Variants in SMARCA1 observed in about 807,000 individuals in gnomAD.
SMARCA1 encodes the protein SNF2 related chromatin remodeling ATPase 1.
SMARCA1 carries 17 observed loss-of-function variants against 93.6 expected under a neutral mutation model. That is an observed-to-expected ratio of 0.18 (90% CI 0.12 to 0.27). SMARCA1 has a LOEUF of 0.27. Among genes scored for constraint, SMARCA1 ranks in the 10% least tolerant of loss-of-function variants. The probability of loss-of-function intolerance (pLI) is 1.00; values close to 1 mark genes in which losing one functional copy is unlikely to be tolerated. For synonymous variants in SMARCA1, 271 were observed against 271.4 expected (o/e 1.00, Z 0.01); for missense variants, 630 against 819.0 (o/e 0.77, Z 2.82).
At chrX:129,448,012 C>T (rs960492438) in intron 24 of SMARCA1, among the ~76,000 whole-genome samples, 5 of 109,972 alleles carry the variant, frequency 4.5e-5, no homozygotes, top group African/African-American at 6.6e-5. Context: ...CATCCCATCC[C>T]ACCCCTACCC....
chrX:129,511,685 A>C (rs1935023575), intron 6 of SMARCA1, 119 bp downstream of exon 6: 2 of 513,785 alleles, frequency 3.9e-6, no homozygotes, highest in Middle Eastern at 5.6e-4. Flanking sequence ...TAGAGTACAT[A>C]CACCTTAAGT....
chrX:129,488,339 T>C (rs1047122434), intron 16 of SMARCA1, among the ~76,000 whole-genome samples: 2 of 103,603 alleles, frequency 1.9e-5, no homozygotes, highest in African/African-American at 3.6e-5. Flanking sequence ...TCAGGCATGG[T>C]GGCTCATGCC....
At position 129,523,401 on chromosome X, in the gene SMARCA1, A is replaced by AGGCAGGGAACGAGTAGGGGGACAG; in HGVS notation, c.-32_-31insCTGTCCCCCTACTCGTTCCCTGCC. Reference sequence around the variant, plus strand: ...GGGAGCGGGAACGAGTAGGGGGACAAGGCAGGGGACGAGGGCTCCTGGGCG... The same window carrying AGGCAGGGAACGAGTAGGGGGACAG: ...GGGAGCGGGAACGAGTAGGGGGACAAGGCAGGGAACGAGTAGGGGGACAGGGCAGGGGACGAGGGCTCCTGGGCG... On this transcript the variant is annotated 5_prime_UTR_variant, in exon 1 of 25. Coordinates refer to ENST00000371121, the MANE Select transcript of SMARCA1 (RefSeq NM_001282874.2). 1 of 1,128,367 alleles carries AGGCAGGGAACGAGTAGGGGGACAG rather than the reference A, an allele frequency of 8.9e-7. No homozygotes were observed. The highest frequency in any genetic ancestry group is 1.2e-6 in the Non-Finnish European group (1 of 852,473). 93.0% of individuals were successfully genotyped at this position (1,128,367 alleles called of 1,213,427 possible). A position where few individuals can be genotyped will look rare whatever the true frequency, so the allele number is the denominator to read the frequency against.
At chrX:129,447,497 A>C (rs892341365) in intron 24 of SMARCA1, among the ~76,000 whole-genome samples, 1 of 112,093 alleles carries the variant, frequency 8.9e-6, no homozygotes, top group African/African-American at 3.2e-5. Flanking sequence ...ACATGGTATT[A>C]TAAATGTACT....
At chrX:129,467,655 G>GA (rs199928479) in intron 21 of SMARCA1, among the ~76,000 whole-genome samples, 14,052 of 107,957 alleles carry the variant, frequency 0.13, 770 homozygotes, top group East Asian at 0.27. Context: ...ATTTCCAGAA[G>GA]AAAAAAAAAT....
chrX:129,484,355 T>C (rs758430604), intron 17 of SMARCA1, among the ~76,000 whole-genome samples: 11 of 111,701 alleles, frequency 9.8e-5, no homozygotes, highest in Non-Finnish European at 1.5e-4. Context: ...AGATAGGCCA[T>C]CACCTCCATC....
At chrX:129,497,275 T>C (rs1292725010) in intron 11 of SMARCA1, among the ~76,000 whole-genome samples, 1 of 111,050 alleles carries the variant, frequency 9.0e-6, no homozygotes, top group African/African-American at 3.3e-5. Flanking sequence ...CTTCCTAACA[T>C]GTAAGAGTGA....
At chrX:129,470,913 A>T (rs1043707364) in intron 20 of SMARCA1, among the ~76,000 whole-genome samples, 9 of 112,406 alleles carry the variant, frequency 8.0e-5, no homozygotes, top group African/African-American at 2.9e-4. Flanking sequence ...ATCAGAATTC[A>T]AATGTGGATT....
At chrX:129,447,555 T>C (rs1269025065) in intron 24 of SMARCA1, among the ~76,000 whole-genome samples, 2 of 111,791 alleles carry the variant, frequency 1.8e-5, no homozygotes, top group Non-Finnish European at 3.8e-5. Context: ...ATTTTGTTTA[T>C]GAGTATATAT....
chrX:129,490,505 G>A (rs1267655654), intron 14 of SMARCA1, among the ~76,000 whole-genome samples: 3 of 112,069 alleles, frequency 2.7e-5, no homozygotes, highest in Admixed American at 1.9e-4. Context: ...AAACATCTTC[G>A]AAACTAGCAA....
In SMARCA1 at chrX:129,489,002, C is replaced by A. The variant is rs1329267338; in HGVS notation, c.2032G>T (p.Ala678Ser). Residue 678 changes from alanine (A) to serine (S), a missense_variant, in exon 16 of 25, where the codon GCT (alanine) becomes TCT (serine). Transcript: ENST00000371121. Reference protein sequence around the residue: ...MIRHGATHVFASKESELTDED... With the variant: ...MIRHGATHVFSSKESELTDED... Reference sequence around the variant, plus strand: ...TCTGTCAACTCACTCTCTTTAGAAGCAAAAACATGGGTGGCTCCATGCCGT... The same window carrying A: ...TCTGTCAACTCACTCTCTTTAGAAGAAAAAACATGGGTGGCTCCATGCCGT... 2 of 1,174,710 alleles carry A rather than the reference C, an allele frequency of 1.7e-6. No individual in the cohort carries two copies.
intron 7 of SMARCA1, 33 bp from the exon 8 acceptor site, chrX:129,506,244 A>T: frequency 9.7e-7 from 1 of 1,033,153 alleles, no homozygotes; most frequent in South Asian, 2.0e-5. Flanking sequence ...GGATTATTTT[A>T]CTTATTAGAA....
chrX:129,523,182 C>T lies in SMARCA1; in HGVS notation c.174+15G>A, dbSNP rs191035427. ...CAGGATTTGTCCACCACACACACAC[C>T]CCCTTCCTATTTACCTCCTTCTTCT... On this transcript the variant is annotated intron_variant, in intron 1 of 24. Coordinates refer to ENST00000371121, the MANE Select transcript of SMARCA1 (RefSeq NM_001282874.2). The T allele has an allele frequency of 1.9e-3, 2,242 of 1,207,388 alleles. 34 individuals carry two copies. The African/African-American group carries it at 0.035, about 19-fold the overall frequency.
chrX:129,517,985 C>A (rs1411407766), intron 2 of SMARCA1, among the ~76,000 whole-genome samples: 3 of 111,007 alleles, frequency 2.7e-5, no homozygotes, highest in Non-Finnish European at 5.7e-5. Context: ...ATACGTCAAT[C>A]TGGCTTTGTG....
chrX:129,520,546 T>C, intron 1 of SMARCA1, among the ~76,000 whole-genome samples: 1 of 110,263 alleles, frequency 9.1e-6, no homozygotes, highest in Non-Finnish European at 1.9e-5. Flanking sequence ...AAAATCTGGC[T>C]TCCCATGTCA....
intron 21 of SMARCA1, 104 bp downstream of exon 21, chrX:129,468,669 T>C (rs994445382): frequency 4.0e-5 from 21 of 526,734 alleles, no homozygotes; most frequent in Admixed American, 1.4e-4. Flanking sequence ...CTATGTCTTA[T>C]TCATAAAAGT....
At chrX:129,472,497 A>G (rs964832023) in intron 19 of SMARCA1, among the ~76,000 whole-genome samples, 4 of 111,644 alleles carry the variant, frequency 3.6e-5, no homozygotes, top group African/African-American at 1.3e-4. Flanking sequence ...AAGTAACTTA[A>G]AAATTAACTA....
chrX:129,456,710 T>G (rs1005590972), intron 23 of SMARCA1, among the ~76,000 whole-genome samples: 1 of 111,725 alleles, frequency 9.0e-6, no homozygotes, highest in Non-Finnish European at 1.9e-5. Flanking sequence ...GTGGTGGAAA[T>G]AGCAAGAGAA....
Position 129,465,827 on chromosome X carries a change from G to C in SMARCA1, c.2817+17C>G. 1.9e-6 allele frequency: 2 copies of C among 1,073,044 alleles called. No homozygotes were observed. The highest frequency in any genetic ancestry group is 2.5e-6 in the Non-Finnish European group (2 of 793,770). 88.4% of individuals were successfully genotyped at this position (1,073,044 alleles called of 1,213,427 possible). A position where few individuals can be genotyped will look rare whatever the true frequency, so the allele number is the denominator to read the frequency against. On this transcript the variant is annotated intron_variant, in intron 22 of 24. Coordinates refer to ENST00000371121, the MANE Select transcript of SMARCA1 (RefSeq NM_001282874.2). ...AATTAAAACGATCTAATAATAATTT[G>C]ACATAAAACATAGTACTTTGGCATC...
Sources: gnomAD v4.1 joint callset for allele counts (sites outside exome capture counted in the v4.1 genomes callset) on GRCh38, gnomAD v4.1.1 for gene constraint, MANE v1.5 for transcripts, NCBI Gene and HGNC (gene_info 2026-07-23, HGNC 2026-07-21) for gene names.